MET: variants seen among roughly 807,000 people sequenced by gnomAD.
The protein encoded by MET is MET proto-oncogene, receptor tyrosine kinase.
MET carries 48 observed loss-of-function variants against 133.1 expected under a neutral mutation model. The observed-to-expected ratio is 0.36, with a 90% CI of 0.29 to 0.46. The LOEUF is 0.46. Ranked by LOEUF, MET falls within the 20% of genes least tolerant of loss-of-function variation. The pLI, the probability that MET is intolerant of heterozygous loss-of-function variation, is 1.00. For missense variants in MET, 1,442 were observed against 1,695.9 expected (o/e 0.85, Z 2.63); for synonymous variants, 628 against 616.5 (o/e 1.02, Z -0.28).
At chr7:116,681,892 T>C (rs1275251026) in intron 1 of MET, among the ~76,000 whole-genome samples, 2 of 152,206 alleles carry the variant, frequency 1.3e-5, no homozygotes, top group East Asian at 1.9e-4. Flanking sequence ...GTATGATATT[T>C]GTAATTTGTA....
chr7:116,744,721 A>T (rs1793599384), intron 5 of MET, among the ~76,000 whole-genome samples: 1 of 152,200 alleles, frequency 6.6e-6, no homozygotes, highest in Non-Finnish European at 1.5e-5. Flanking sequence ...GAAGAGCAAC[A>T]CCAAGACACA....
chr7:116,747,619 C>T (rs570328815), intron 5 of MET, among the ~76,000 whole-genome samples: 3 of 152,254 alleles, frequency 2.0e-5, no homozygotes, highest in East Asian at 1.9e-4. Flanking sequence ...CACCCAGATT[C>T]GTAAAGCAAG....
intron 11 of MET, among the ~76,000 whole-genome samples, chr7:116,764,952 T>G (rs1165988604): frequency 6.6e-6 from 1 of 152,152 alleles, no homozygotes; most frequent in African/African-American, 2.4e-5. Flanking sequence ...AGAGAATATT[T>G]GTTGTGTCAG....
chr7:116,736,584 G>T (rs1562906651), intron 3 of MET, among the ~76,000 whole-genome samples: 1 of 152,108 alleles, frequency 6.6e-6, no homozygotes, highest in East Asian at 1.9e-4. Flanking sequence ...CAGGTTTACA[G>T]ATTTGGGGGC....
At chr7:116,725,459 G>GATACAC (rs1792708166) in intron 2 of MET, among the ~76,000 whole-genome samples, 3 of 120,092 alleles carry the variant, frequency 2.5e-5, no homozygotes. Context: ...TTTTTCTTAT[G>GATACAC]ATATACATAT....
intron 2 of MET, among the ~76,000 whole-genome samples, chr7:116,713,933 G>C (rs952080437): frequency 6.6e-6 from 1 of 152,102 alleles, no homozygotes; most frequent in African/African-American, 2.4e-5. Flanking sequence ...TGTTTTATTT[G>C]TTAGTGCAGG....
At chr7:116,747,531 G>A (rs1408734401) in intron 5 of MET, among the ~76,000 whole-genome samples, 2 of 152,036 alleles carry the variant, frequency 1.3e-5, no homozygotes, top group Non-Finnish European at 2.9e-5. Flanking sequence ...GACAAAGAAG[G>A]GCATTACATA....
At chr7:116,757,386 C>T (rs1794217263) in intron 6 of MET, 51 bp from the exon 7 acceptor site, 1 of 1,471,236 alleles carries the variant, frequency 6.8e-7, no homozygotes, top group Admixed American at 1.7e-5. Flanking sequence ...ACAACCTAAC[C>T]AGAAAATTCC....
chr7:116,712,308 G>A (rs992049401), intron 2 of MET, among the ~76,000 whole-genome samples: 7 of 151,950 alleles, frequency 4.6e-5, no homozygotes, highest in East Asian at 1.9e-4. Flanking sequence ...GATTTGTTGC[G>A]TTTCCTGAGC....
intron 1 of MET, among the ~76,000 whole-genome samples, chr7:116,691,208 T>C (rs1469085272): frequency 6.6e-6 from 1 of 152,256 alleles, no homozygotes; most frequent in Non-Finnish European, 1.5e-5. Flanking sequence ...TTAGATCCAT[T>C]ATTTCCATTT....
chr7:116,731,855 T>G lies in MET; in HGVS notation c.1388T>G (p.Met463Arg), dbSNP rs1584914382. 3.7e-6 allele frequency: 6 copies of G among 1,614,008 alleles called. No individual in the cohort carries two copies. Among genetic ancestry groups the G allele is most frequent in the Non-Finnish European group, 5.1e-6 (6 of 1,179,872 alleles). ...ANLGTSEGRF[M>R]QVVVSRSGPS... The stretch of plus-strand genomic sequence containing the variant: ...CTTGGGACATCAGAGGGTCGCTTCA[T>G]GCAGGTAAGTGCTTTCTGAGAGTAG... Residue 463 changes from methionine to arginine, a missense_variant, in exon 3 of 21, where the codon ATG becomes AGG. Physicochemically the swap from Met to Arg is moderately conservative, Grantham distance 91 (BLOSUM62 -1). Transcript: ENST00000397752.
intron 2 of MET, among the ~76,000 whole-genome samples, chr7:116,728,507 C>A (rs888994407): frequency 6.6e-6 from 1 of 152,182 alleles, no homozygotes; most frequent in African/African-American, 2.4e-5. Flanking sequence ...GTATTGCTCT[C>A]CCTCCATTTA....
chr7:116,790,367 T>C (rs1427060717), intron 19 of MET, among the ~76,000 whole-genome samples: 2 of 152,244 alleles, frequency 1.3e-5, no homozygotes, highest in African/African-American at 4.8e-5. Context: ...GCAGTATTTG[T>C]CTTTTTAGGA....
chr7:116,761,751 T>C (rs1645496432), intron 10 of MET, among the ~76,000 whole-genome samples: 1 of 152,122 alleles, frequency 6.6e-6, no homozygotes, highest in South Asian at 2.1e-4. Flanking sequence ...ATATTAATTT[T>C]ATATAAAACT....
chr7:116,714,881 T>C (rs1792133063), intron 2 of MET, among the ~76,000 whole-genome samples: 3 of 152,056 alleles, frequency 2.0e-5, no homozygotes, highest in Non-Finnish European at 4.4e-5. Flanking sequence ...TGTAAAATAA[T>C]AGTGGACAGA....
intron 5 of MET, among the ~76,000 whole-genome samples, chr7:116,744,706 C>A (rs1441608528): frequency 6.6e-6 from 1 of 152,134 alleles, no homozygotes; most frequent in African/African-American, 2.4e-5. Context: ...AAAGATACTC[C>A]TCTAGAAGAG....
At position 116,796,085 on chromosome 7, in the gene MET, G is replaced by A. The variant is rs879254328; in HGVS notation, c.4134G>A (p.Glu1378=). ...CATCAGAAGATAACGCTGATGATGA[G>A]GTGGACACACGACCAGCCTCCTTCT... ...LLSSEDNADD[E]VDTRPASFWE... is the part of the protein sequence containing the mutation. Residue 1378 remains glutamate, a synonymous_variant, in exon 21 of 21, where the codon GAG becomes GAA. Transcript: ENST00000397752. 22 of 1,614,018 alleles carry A rather than the reference G, an allele frequency of 1.4e-5. No homozygotes were observed. In the African/African-American group the frequency reaches 2.8e-4, roughly 21 times the overall value.
Position 116,775,018 on chromosome 7 carries a change from A to G in MET, c.3166A>G (p.Ser1056Gly). The change falls in exon 15 of 21, where the codon AGT (serine) becomes GGT (glycine). Residue 1056 changes from serine (S) to glycine (G), a missense_variant. Ser to Gly is a moderately conservative substitution (Grantham distance 56, BLOSUM62 0). Transcript: ENST00000397752. The part of the protein sequence containing the change: ...LLQNTVHIDL[S>G]ALNPELVQAV... ...GCAAAATACTGTCCACATTGACCTC[A>G]GTGCTCTAAATCCAGAGCTGGTCCA... 5 of 1,614,244 alleles carry G rather than the reference A, an allele frequency of 3.1e-6. No individual in the cohort carries two copies. The highest frequency in any genetic ancestry group is 4.2e-6 in the Non-Finnish European group (5 of 1,180,030).
intron 17 of MET, among the ~76,000 whole-genome samples, chr7:116,781,669 G>A (rs1022324467): frequency 6.6e-6 from 1 of 152,186 alleles, no homozygotes; most frequent in African/African-American, 2.4e-5. Context: ...CTGGGCTCAA[G>A]CAATCCTCCT....
Sources: allele counts gnomAD v4.1 joint callset (sites outside exome capture counted in the v4.1 genomes callset), GRCh38; gene constraint gnomAD v4.1.1; transcripts MANE v1.5; gene names NCBI Gene and HGNC (gene_info 2026-07-23, HGNC 2026-07-21).